SLC22A23: variants seen among roughly 807,000 people sequenced by gnomAD.
SLC22A23 encodes solute carrier family 22 member 23.
Under a neutral mutation model 61.0 loss-of-function variants are expected in SLC22A23, and 26 were observed. The observed-to-expected ratio is 0.43, with a 90% confidence interval of 0.31 to 0.59. The LOEUF (loss-of-function observed/expected upper bound fraction) is 0.59. SLC22A23 is among the 20% of genes least tolerant of loss of function. The pLI is 0.11. For synonymous variants in SLC22A23, 430 were observed against 413.9 expected (o/e 1.04, Z -0.47); for missense variants, 796 against 934.7 (o/e 0.85, Z 1.94).
intron 1 of SLC22A23, among the ~76,000 whole-genome samples, chr6:3,421,573 T>C (rs1338189015): frequency 1.3e-5 from 2 of 152,196 alleles, no homozygotes; most frequent in Non-Finnish European, 2.9e-5. Flanking sequence ...AAAGAAAATA[T>C]TCCAAAATAT....
chr6:3,396,531 G>A (rs1425078212), intron 3 of SLC22A23, among the ~76,000 whole-genome samples: 1 of 152,178 alleles, frequency 6.6e-6, no homozygotes, highest in Non-Finnish European at 1.5e-5. Context: ...CCTGGTGACA[G>A]AGTGAGACTC....
chr6:3,353,304 G>C (rs1029153508), intron 3 of SLC22A23, among the ~76,000 whole-genome samples: 3 of 152,212 alleles, frequency 2.0e-5, no homozygotes, highest in African/African-American at 7.2e-5. Flanking sequence ...CTCCGTCTGT[G>C]TTAGATTTCC....
chr6:3,279,469 C>T (rs142413130), intron 9 of SLC22A23, among the ~76,000 whole-genome samples: 3,063 of 126,134 alleles, frequency 0.024, 117 homozygotes, highest in African/African-American at 0.085. Context: ...CGAGATCACG[C>T]GACTGCACTC....
intron 4 of SLC22A23, among the ~76,000 whole-genome samples, chr6:3,301,711 G>A (rs956671572): frequency 2.0e-5 from 3 of 152,204 alleles, no homozygotes; most frequent in East Asian, 1.9e-4. Context: ...TGGTGTGAAC[G>A]AGCAGGGCAG....
At chr6:3,400,166 C>A (rs1768286637) in intron 3 of SLC22A23, among the ~76,000 whole-genome samples, 1 of 152,224 alleles carries the variant, frequency 6.6e-6, no homozygotes. Flanking sequence ...GCATGAGCCA[C>A]CGCGCCCCGC....
intron 3 of SLC22A23, among the ~76,000 whole-genome samples, chr6:3,407,859 T>C (rs747196458): frequency 1.3e-5 from 2 of 152,108 alleles, no homozygotes; most frequent in Non-Finnish European, 2.9e-5. Context: ...ACACAAATTA[T>C]GGAGGAAGAA....
chr6:3,385,041 T>C (rs11963332), intron 3 of SLC22A23, among the ~76,000 whole-genome samples: 3,358 of 152,222 alleles, frequency 0.022, 143 homozygotes, highest in East Asian at 0.16. Context: ...GTGAAATCCA[T>C]AGAGACAGAA....
Position 3,456,070 on chromosome 6 carries a change from G to C in SLC22A23, c.490C>G (p.Pro164Ala). Residue 164 changes from proline to alanine, a missense_variant, in exon 1 of 10, where the codon CCC becomes GCC. Physicochemically the swap from Pro to Ala is conservative, Grantham distance 27 (BLOSUM62 -1). Coordinates refer to ENST00000406686, the MANE Select transcript of SLC22A23 (RefSeq NM_015482.2). The surrounding 1 kb of genome is among the most constrained non-coding windows in gnomAD (Gnocchi z 7.1). ...CTCCGGTTGCCCGCAGCCTCCCAGG[G>C]GGCAGTGGCGAAGGGGGTGGTGGGG... is the stretch of plus-strand genomic sequence containing the variant. ...SLPTTPFATA[P>A]WEAAGNRSNS... The C allele has an allele frequency of 6.5e-7, 1 of 1,549,858 alleles. No individual in the cohort carries two copies. The highest frequency in any genetic ancestry group is 8.7e-7 in the Non-Finnish European group (1 of 1,146,742).
Position 3,444,818 on chromosome 6 carries a change from C to T in SLC22A23, c.654+11088G>A, listed in dbSNP as rs148146560. On this transcript the variant is annotated intron_variant, in intron 1 of 9. Coordinates refer to ENST00000406686, the MANE Select transcript of SLC22A23 (RefSeq NM_015482.2). The stretch of plus-strand genomic sequence containing the variant: ...GCAGGCTTCCTGTCTGAAGGGCATA[C>T]CTGGCTCCGAACATCATCGGTTTCT... 2.7e-4 allele frequency: 269 copies of T among 985,672 alleles called. 2 individuals carry two copies. In the African/African-American group the frequency reaches 4.5e-3, roughly 16 times the overall value. The allele number at this position is 985,672 out of a possible 1,614,324, so 61.1% of individuals were successfully genotyped here. A position where few individuals can be genotyped will look rare whatever the true frequency, so the allele number is the denominator to read the frequency against.
chr6:3,330,791 A>T lies in SLC22A23; in HGVS notation c.914-6789T>A, dbSNP rs1763540279. Among the ~76,000 whole-genome samples the T allele has an allele frequency of 6.6e-6, 1 of 152,250 alleles. No homozygotes were observed. Among genetic ancestry groups the T allele is most frequent in the Non-Finnish European group, 1.5e-5 (1 of 68,050 alleles). ...GATCTGCCAACCCAAAGTAATGGTC[A>T]GAAGAATCTGAAAGAGTAGTTTTCT... On this transcript the variant is annotated intron_variant, in intron 3 of 9. Coordinates refer to ENST00000406686, the MANE Select transcript of SLC22A23 (RefSeq NM_015482.2). This position sits in a 1 kb window ranked among gnomAD's most constrained non-coding sequence, Gnocchi z 4.7.
intron 3 of SLC22A23, among the ~76,000 whole-genome samples, chr6:3,371,627 A>G (rs1766223928): frequency 1.3e-5 from 2 of 152,138 alleles, no homozygotes; most frequent in African/African-American, 4.8e-5. Context: ...CATTTGTAAA[A>G]TGGGGATAAA....
chr6:3,297,255 G>T lies in SLC22A23; in HGVS notation c.1210+836C>A, dbSNP rs1227220220. On this transcript the variant is annotated intron_variant, in intron 5 of 9. Coordinates refer to ENST00000406686, the MANE Select transcript of SLC22A23 (RefSeq NM_015482.2). The surrounding 1 kb of genome is among the most constrained non-coding windows in gnomAD (Gnocchi z 4.3). Reference sequence around the variant, plus strand: ...ATCACAAGCATTTCTGGTCAGGGGGGAAAATGAGCATATTCTCTCTTGGAC... The same window carrying T: ...ATCACAAGCATTTCTGGTCAGGGGGTAAAATGAGCATATTCTCTCTTGGAC... Among the ~76,000 whole-genome samples, 1 of 152,210 alleles carries T rather than the reference G, an allele frequency of 6.6e-6. No individual in the cohort carries two copies. Among genetic ancestry groups the T allele is most frequent in the Admixed American group, 6.5e-5 (1 of 15,288 alleles).
chr6:3,412,469 G>A (rs755560302), intron 2 of SLC22A23, among the ~76,000 whole-genome samples: 58 of 152,178 alleles, frequency 3.8e-4, no homozygotes, highest in Non-Finnish European at 7.5e-4. Flanking sequence ...TTCAGCAAGC[G>A]TTCAATACAT....
chr6:3,394,534 T>A (rs545013688), intron 3 of SLC22A23, among the ~76,000 whole-genome samples: 1 of 152,352 alleles, frequency 6.6e-6, no homozygotes, highest in South Asian at 2.1e-4. Flanking sequence ...GCCTACTGCA[T>A]CAAAGAGGAA....
chr6:3,282,631 T>G (rs1759576039), intron 9 of SLC22A23, among the ~76,000 whole-genome samples: 1 of 152,204 alleles, frequency 6.6e-6, no homozygotes, highest in African/African-American at 2.4e-5. Flanking sequence ...ACCTGGGTTT[T>G]GACTCACGGC....
chr6:3,434,657 G>A (rs1435309711), intron 1 of SLC22A23, among the ~76,000 whole-genome samples: 2 of 152,114 alleles, frequency 1.3e-5, no homozygotes, highest in Non-Finnish European at 2.9e-5. Context: ...CAAAGACAGG[G>A]CAGAAATATC....
At chr6:3,300,740 GA>G (rs1025280591) in intron 4 of SLC22A23, among the ~76,000 whole-genome samples, 114 of 152,268 alleles carry the variant, frequency 7.5e-4, no homozygotes, top group African/African-American at 2.6e-3. Flanking sequence ...ATACCTATTT[GA>G]AAAAAGTCCA....
intron 5 of SLC22A23, chr6:3,292,091 C>T (rs1018204006): frequency 6.6e-6 from 1 of 152,208 alleles, no homozygotes; most frequent in African/African-American, 2.4e-5. Context: ...GAAGCGCTTC[C>T]TCCCATGTCT....
Position 3,322,464 on chromosome 6 carries a change from G to C in SLC22A23, c.1082+1370C>G, listed in dbSNP as rs926026040. Among the ~76,000 whole-genome samples the C allele has an allele frequency of 6.6e-6, 1 of 152,204 alleles. No individual in the cohort carries two copies. The highest frequency in any genetic ancestry group is 1.5e-5 in the Non-Finnish European group (1 of 68,040). On this transcript the variant is annotated intron_variant, in intron 4 of 9. Coordinates refer to ENST00000406686, the MANE Select transcript of SLC22A23 (RefSeq NM_015482.2). The surrounding 1 kb of genome is among the most constrained non-coding windows in gnomAD (Gnocchi z 4.1). The stretch of plus-strand genomic sequence containing the variant: ...CTGTTGGGGCACAAGGGCTGTCCTG[G>C]AACACGGTTGTGCTGCGGGAGGGGT...
Sources: gnomAD v4.1 joint callset for allele counts (sites outside exome capture counted in the v4.1 genomes callset) on GRCh38, gnomAD v4.1.1 for gene constraint, Gnocchi (gnomAD v3.1) non-coding constraint, MANE v1.5 for transcripts, NCBI Gene and HGNC (gene_info 2026-07-23, HGNC 2026-07-21) for gene names.